ZC3H3: variants seen among roughly 807,000 people sequenced by gnomAD.
The protein encoded by ZC3H3 is zinc finger CCCH-type containing 3.
In ZC3H3, 36 loss-of-function variants were observed where a neutral mutation model predicts 77.3. That is an observed-to-expected ratio of 0.47 (90% CI 0.36 to 0.61). The LOEUF (loss-of-function observed/expected upper bound fraction) is 0.61, where lower values mean the gene tolerates loss of function less well. ZC3H3 is among the 20% of genes least tolerant of loss of function. The pLI, the probability that ZC3H3 is intolerant of heterozygous loss-of-function variation, is 0.00. For missense variants in ZC3H3, 1,331 were observed against 1,312.2 expected (o/e 1.01, Z -0.22); for synonymous variants, 626 against 555.2 (o/e 1.13, Z -1.79).
At chr8:143,450,128 A>C (rs1193970767) in intron 9 of ZC3H3, among the ~76,000 whole-genome samples, 2 of 152,186 alleles carry the variant, frequency 1.3e-5, no homozygotes, top group Non-Finnish European at 1.5e-5. Context: ...CCTCAGTACC[A>C]ATTTTCTATA....
chr8:143,496,433 G>C (rs1258740584), intron 4 of ZC3H3, among the ~76,000 whole-genome samples: 1 of 152,222 alleles, frequency 6.6e-6, no homozygotes, highest in Non-Finnish European at 1.5e-5. Flanking sequence ...GGAATGAGAG[G>C]ACACATCAAA....
intron 9 of ZC3H3, among the ~76,000 whole-genome samples, chr8:143,452,886 C>T (rs1304217172): frequency 6.6e-6 from 1 of 152,098 alleles, no homozygotes; most frequent in East Asian, 1.9e-4. Flanking sequence ...GCAAAAAGAA[C>T]TCAAAGAAAT....
intron 4 of ZC3H3, among the ~76,000 whole-genome samples, chr8:143,503,910 C>T (rs747088276): frequency 2.2e-4 from 33 of 152,242 alleles, no homozygotes; most frequent in Non-Finnish European, 3.7e-4. Flanking sequence ...CGGGCCCTGA[C>T]GCTGTCCTCC....
At chr8:143,475,153 G>A (rs1013828878) in intron 5 of ZC3H3, among the ~76,000 whole-genome samples, 6 of 152,230 alleles carry the variant, frequency 3.9e-5, no homozygotes, top group Middle Eastern at 3.2e-3. Flanking sequence ...GGATGGCTAC[G>A]AAGGCGCCGG....
intron 3 of ZC3H3, among the ~76,000 whole-genome samples, chr8:143,523,095 CAG>C (rs1370025568): frequency 6.6e-6 from 1 of 152,194 alleles, no homozygotes; most frequent in Non-Finnish European, 1.5e-5. Flanking sequence ...AAGCCCTGCC[CAG>C]AGGTGCCCCA....
intron 3 of ZC3H3, among the ~76,000 whole-genome samples, chr8:143,519,251 CT>C (rs1382231066): frequency 2.0e-5 from 3 of 152,150 alleles, no homozygotes; most frequent in Admixed American, 6.5e-5. Flanking sequence ...GACAGGCCCC[CT>C]ACCAGCTCCA....
intron 4 of ZC3H3, among the ~76,000 whole-genome samples, chr8:143,495,891 T>G (rs383155): frequency 2.0e-5 from 3 of 151,976 alleles, no homozygotes; most frequent in Non-Finnish European, 4.4e-5. Flanking sequence ...TGCAAGCCAC[T>G]GCGCCTGGTG....
intron 2 of ZC3H3, among the ~76,000 whole-genome samples, chr8:143,537,746 G>GTC (rs1260148733): frequency 1.3e-5 from 2 of 152,208 alleles, no homozygotes; most frequent in African/African-American, 2.4e-5. Flanking sequence ...CGAGCTGCTT[G>GTC]TCTCTCACCG....
chr8:143,525,673 C>A (rs1822389524), intron 3 of ZC3H3, among the ~76,000 whole-genome samples: 1 of 152,252 alleles, frequency 6.6e-6, no homozygotes, highest in Non-Finnish European at 1.5e-5. Flanking sequence ...ACAGACAGCC[C>A]TGGTCTTCCT....
intron 4 of ZC3H3, among the ~76,000 whole-genome samples, chr8:143,478,801 C>A (rs974847900): frequency 6.6e-6 from 1 of 152,232 alleles, no homozygotes; most frequent in African/African-American, 2.4e-5. Flanking sequence ...TGAGCCACTG[C>A]GCCCAGCCGC....
chr8:143,517,962 G>A (rs183451139), intron 3 of ZC3H3, among the ~76,000 whole-genome samples: 1 of 152,228 alleles, frequency 6.6e-6, no homozygotes, highest in Non-Finnish European at 1.5e-5. Context: ...TCCAGGCTCT[G>A]AGTGAGGCAC....
Position 143,440,191 on chromosome 8 carries a change from C to G in ZC3H3, c.2665G>C (p.Glu889Gln). ...SSSPPASLDH[E>Q]APSLQEAALA... Reference sequence around the variant, plus strand: ...GCAGCCTCCTGGAGAGATGGTGCCTCGTGGTCCAAGGAAGCGGGAGGGGAT... The same window carrying G: ...GCAGCCTCCTGGAGAGATGGTGCCTGGTGGTCCAAGGAAGCGGGAGGGGAT... Residue 889 changes from glutamate to glutamine, a missense_variant, in exon 11 of 12, where the codon GAG becomes CAG. Transcript: ENST00000262577. 6.2e-7 allele frequency: 1 copy of G among 1,611,668 alleles called. No individual in the cohort carries two copies. Among genetic ancestry groups the G allele is most frequent in the South Asian group, 1.1e-5 (1 of 90,670 alleles).
chr8:143,470,977 G>A (rs920570264), intron 5 of ZC3H3, among the ~76,000 whole-genome samples: 1 of 152,032 alleles, frequency 6.6e-6, no homozygotes, highest in African/African-American at 2.4e-5. Context: ...CCCCCTGCTC[G>A]GTGCCCCAGT....
chr8:143,515,515 C>T (rs1225447734), intron 3 of ZC3H3, among the ~76,000 whole-genome samples: 2 of 152,378 alleles, frequency 1.3e-5, no homozygotes, highest in African/African-American at 2.4e-5. Flanking sequence ...GCTCTCCCCA[C>T]GAACGGGCCT....
At chr8:143,524,402 G>A (rs748498674) in intron 3 of ZC3H3, among the ~76,000 whole-genome samples, 24 of 152,222 alleles carry the variant, frequency 1.6e-4, no homozygotes, top group African/African-American at 3.4e-4. Flanking sequence ...CACTGGAAGC[G>A]CAGGACAGCC....
intron 3 of ZC3H3, among the ~76,000 whole-genome samples, chr8:143,523,895 G>A (rs917756204): frequency 6.6e-6 from 1 of 152,244 alleles, no homozygotes; most frequent in Non-Finnish European, 1.5e-5. Flanking sequence ...GGCTGGGGGC[G>A]GGTGAAGGAC....
intron 3 of ZC3H3, among the ~76,000 whole-genome samples, chr8:143,528,861 G>A (rs566471444): frequency 2.0e-5 from 3 of 152,236 alleles, no homozygotes; most frequent in African/African-American, 7.2e-5. Context: ...CCCTCACCAG[G>A]AGCTGCCGCA....
At position 143,494,410 on chromosome 8, in the gene ZC3H3, C is replaced by T. The variant is rs1208058636; in HGVS notation, c.1715+13336G>A. On this transcript the variant is annotated intron_variant, in intron 4 of 11. Coordinates refer to ENST00000262577, the MANE Select transcript of ZC3H3 (RefSeq NM_015117.3). This position sits in a 1 kb window ranked among gnomAD's most constrained non-coding sequence, Gnocchi z 5.3. ...CTCTGGGTGGGAAAAGCACAAATGCCTGCCAGCGTGGAGGATGGGGCTCCG... is the reference window on the plus strand; with the variant it reads ...CTCTGGGTGGGAAAAGCACAAATGCTTGCCAGCGTGGAGGATGGGGCTCCG... Among the ~76,000 whole-genome samples, 2 of 152,244 alleles carry T rather than the reference C, an allele frequency of 1.3e-5. No individual in the cohort carries two copies. Among genetic ancestry groups the T allele is most frequent in the African/African-American group, 4.8e-5 (2 of 41,464 alleles).
intron 3 of ZC3H3, among the ~76,000 whole-genome samples, chr8:143,508,550 A>G (rs1355431959): frequency 6.6e-6 from 1 of 152,186 alleles, no homozygotes; most frequent in Admixed American, 6.5e-5. Flanking sequence ...CTTCCACTTG[A>G]TAGCTGGCAA....
Sources: allele counts gnomAD v4.1 joint callset (sites outside exome capture counted in the v4.1 genomes callset), GRCh38; gene constraint gnomAD v4.1.1; non-coding constraint Gnocchi (gnomAD v3.1); transcripts MANE v1.5; gene names NCBI Gene and HGNC (gene_info 2026-07-23, HGNC 2026-07-21).